Variants in DNAH2 observed in about 807,000 individuals in gnomAD.
DNAH2 encodes axonemal beta dynein heavy chain 2.
DNAH2 carries 323 observed loss-of-function variants against 523.5 expected under a neutral mutation model. The ratio of observed to expected loss-of-function variants is 0.62; its 90% CI spans 0.56 to 0.68. The LOEUF (loss-of-function observed/expected upper bound fraction) is 0.68, where lower values mean the gene tolerates loss of function less well. Ranked by LOEUF, DNAH2 falls within the 30% of genes least tolerant of loss-of-function variation. The probability of loss-of-function intolerance (pLI) is 0.00; values close to 1 mark genes in which losing one functional copy is unlikely to be tolerated. For missense variants in DNAH2, 4,907 were observed against 5,701.5 expected (o/e 0.86, Z 4.49); for synonymous variants, 2,093 against 2,177.4 (o/e 0.96, Z 1.08).
chr17:7,825,866 A>G (rs4791806), intron 77 of DNAH2, among the ~76,000 whole-genome samples: 119,386 of 152,170 alleles, frequency 0.78, 47,503 homozygotes, highest in Middle Eastern at 0.85. Flanking sequence ...AACCCCCAAG[A>G]CTCAGAATGT....
In DNAH2 at chr17:7,792,489, C is replaced by T. The variant is rs750613247; in HGVS notation, c.7145+146C>T. ...AGGGCTGCCTCTTGAGGACAGGAAG[C>T]GGGACCTAGAGGGCTTGGGACAGGG... On this transcript the variant is annotated intron_variant, in intron 46 of 85. Transcript: ENST00000572933. 20 of 1,027,508 alleles carry T rather than the reference C, an allele frequency of 1.9e-5. No individual in the cohort carries two copies. The East Asian group carries it at 2.8e-4, about 14-fold the overall frequency. The allele number at this position is 1,027,508 out of a possible 1,614,324, so 63.6% of individuals were successfully genotyped here.
chr17:7,771,620 C>T, intron 28 of DNAH2, 152 bp downstream of exon 28: 1 of 873,984 alleles, frequency 1.1e-6, no homozygotes, highest in Non-Finnish European at 1.7e-6. Flanking sequence ...GATCATAATT[C>T]TGTAAATTAA....
At chr17:7,753,766 G>A (rs1450499505) in intron 12 of DNAH2, among the ~76,000 whole-genome samples, 1 of 150,622 alleles carries the variant, frequency 6.6e-6, no homozygotes, top group Non-Finnish European at 1.5e-5. Flanking sequence ...TGGCCAACAT[G>A]ACGAAACCCT....
intron 7 of DNAH2, among the ~76,000 whole-genome samples, 155 bp downstream of exon 7, chr17:7,734,863 A>T (rs904813170): frequency 6.6e-6 from 1 of 151,750 alleles, no homozygotes; most frequent in Non-Finnish European, 1.5e-5. Flanking sequence ...GAGAGTATAA[A>T]ATAGTAGAAT....
chr17:7,797,121 A>C (rs935078360), intron 50 of DNAH2, 55 bp from the exon 51 acceptor site: 32 of 1,393,924 alleles, frequency 2.3e-5, no homozygotes, highest in Non-Finnish European at 3.0e-5. Context: ...AAAAAAAAAA[A>C]CTTCTGGAGG....
At position 7,754,212 on chromosome 17, in the gene DNAH2, G is replaced by GT. The variant is rs779889727; in HGVS notation, c.1905-2873dup. ...GAAGGACAGGAGTTGAAGGGGCGCT[G>GT]TTTTTTATCCTTTTAATATTGTAGA... On this transcript the variant is annotated intron_variant, in intron 12 of 85. Transcript: ENST00000572933. This position sits in a 1 kb window ranked among gnomAD's most constrained non-coding sequence, Gnocchi z 4.6. 5.3e-5 allele frequency: 10 copies of GT among 189,364 alleles called. No individual in the cohort carries two copies. The highest frequency in any genetic ancestry group is 1.1e-4 in the Non-Finnish European group (10 of 93,560). 11.7% of individuals were successfully genotyped at this position (189,364 alleles called of 1,614,324 possible). A position where few individuals can be genotyped will look rare whatever the true frequency, so the allele number is the denominator to read the frequency against.
chr17:7,830,860 C>T lies in DNAH2; in HGVS notation c.12230+18C>T, dbSNP rs1567771041. On this transcript the variant is annotated intron_variant, in intron 79 of 85. Coordinates refer to ENST00000572933, the MANE Select transcript of DNAH2 (RefSeq NM_020877.5). ...TTCCACCGGTGAGGGGGAGGTGGCC[C>T]TGGACAGGGAGCCAGAGGTCACAAG... The T allele has an allele frequency of 6.2e-7, 1 of 1,613,460 alleles. No homozygotes were observed. Among genetic ancestry groups the T allele is most frequent in the East Asian group, 2.2e-5 (1 of 44,882 alleles).
rs1230959575 is a variant in DNAH2 at position 7,740,915 on chromosome 17, GA to G, written c.1613del (p.Glu538GlyfsTer25). On this transcript the variant is annotated frameshift_variant, in exon 11 of 86. Transcript: ENST00000572933. LOFTEE classifies it high-confidence loss of function. ...ACGGAACAAGAAATGGCCAGACCTGGAGCCCTACGTGGCCCAGTATTCCGGA... is the reference window on the plus strand; with the variant it reads ...ACGGAACAAGAAATGGCCAGACCTGGGCCCTACGTGGCCCAGTATTCCGGA... The part of the protein sequence containing the change: ...RERNKKWPDL[E>X]PYVAQYSGKA... 1 of 1,613,906 alleles carries G rather than the reference GA, an allele frequency of 6.2e-7. No homozygotes were observed. The highest frequency in any genetic ancestry group is 1.7e-5 in the Admixed American group (1 of 60,024).
rs766059480 is a variant in DNAH2, at chr17:7,824,534, C to T, written c.11663-3C>T. 2 of 1,548,188 alleles carry T rather than the reference C, an allele frequency of 1.3e-6. No homozygotes were observed. The highest frequency in any genetic ancestry group is 1.8e-6 in the Non-Finnish European group (2 of 1,138,460). Reference sequence around the variant, plus strand: ...TCCCACTGACCCTGGCATCTCCTTGCAGGACACTGGGTGTTCCTGGCAAAC... The same window carrying T: ...TCCCACTGACCCTGGCATCTCCTTGTAGGACACTGGGTGTTCCTGGCAAAC... On this transcript the variant is annotated splice_region_variant and splice_polypyrimidine_tract_variant and intron_variant, in intron 76 of 85. Transcript: ENST00000572933.
At chr17:7,827,306 C>A (rs1241007514) in intron 77 of DNAH2, among the ~76,000 whole-genome samples, 1 of 120,098 alleles carries the variant, frequency 8.3e-6, no homozygotes, top group African/African-American at 3.5e-5. Context: ...TTCAAGAAAT[C>A]CTTGCTTAAA....
chr17:7,719,070 C>T (rs1463464944), intron 1 of DNAH2, among the ~76,000 whole-genome samples: 1 of 151,374 alleles, frequency 6.6e-6, no homozygotes, highest in South Asian at 2.1e-4. Flanking sequence ...CTTATGTTCT[C>T]ATACCCCGGG....
chr17:7,728,420 C>T (rs1464560174), intron 4 of DNAH2, among the ~76,000 whole-genome samples: 15 of 152,290 alleles, frequency 9.8e-5, no homozygotes, highest in African/African-American at 3.6e-4. Flanking sequence ...GAAACAATGA[C>T]GCAATTTGTG....
At chr17:7,781,821 C>G (rs1461258878) in intron 39 of DNAH2, among the ~76,000 whole-genome samples, 1 of 152,148 alleles carries the variant, frequency 6.6e-6, no homozygotes, top group African/African-American at 2.4e-5. Context: ...CTCACCTCAT[C>G]AGGGAGTTTT....
At chr17:7,805,516 AG>A in intron 61 of DNAH2, 123 bp downstream of exon 61, 1 of 1,386,122 alleles carries the variant, frequency 7.2e-7, no homozygotes, top group Non-Finnish European at 9.8e-7. Context: ...TCAAGAGCAC[AG>A]GGCCTAGTAG....
chr17:7,800,006 C>G (rs1162480532), intron 56 of DNAH2, among the ~76,000 whole-genome samples: 1 of 152,238 alleles, frequency 6.6e-6, no homozygotes, highest in Admixed American at 6.5e-5. Flanking sequence ...TCTCTTGAGT[C>G]TGACATCAGA....
At position 7,737,194 on chromosome 17, in the gene DNAH2, G is replaced by A. The variant is rs994076850; in HGVS notation, c.1106G>A (p.Arg369His). The A allele has an allele frequency of 7.4e-6, 12 of 1,613,900 alleles. No individual in the cohort carries two copies. Among genetic ancestry groups the A allele is most frequent in the South Asian group, 1.1e-5 (1 of 91,082 alleles). ...SKLPKLISLI[R>H]IIWVNSPHYN... is the part of the protein sequence containing the mutation. ...CTCCCTAAGCTGATCAGTCTCATCC[G>A]CATCATCTGGGTCAACTCTCCCCAC... is the stretch of plus-strand genomic sequence containing the variant. The change falls in exon 8 of 86, where the codon CGC (arginine) becomes CAC (histidine). Residue 369 changes from arginine to histidine, a missense_variant. By Grantham distance (29) the Arg-to-His change is conservative (BLOSUM62 0). This residue lies in a region of DNAH2 where 2,806 missense variants were observed against 3,190.8 expected (regional missense o/e 0.88). Coordinates refer to ENST00000572933, the MANE Select transcript of DNAH2 (RefSeq NM_020877.5).
rs533564774 is a variant in DNAH2, at chr17:7,765,416, A to G, written c.3362A>G (p.Asn1121Ser). The change falls in exon 21 of 86, where the codon AAC becomes AGC. Residue 1121 changes from asparagine (N) to serine (S), a missense_variant. Asn to Ser is a conservative substitution (Grantham distance 46). Coordinates refer to ENST00000572933, the MANE Select transcript of DNAH2 (RefSeq NM_020877.5). Reference protein sequence around the residue: ...DSVLEMLDSLNGEWVVFQQTL... With the variant: ...DSVLEMLDSLSGEWVVFQQTL... ...GTCCTGGAGATGCTGGACAGTCTCA[A>G]CGGGGAGTGGGTTGTCTTCCAACAA... 5 of 1,614,000 alleles carry G rather than the reference A, an allele frequency of 3.1e-6. No homozygotes were observed. The East Asian group carries it at 1.1e-4, about 36-fold the overall frequency.
chr17:7,729,482 G>A (rs2074924217), intron 4 of DNAH2, among the ~76,000 whole-genome samples: 1 of 152,146 alleles, frequency 6.6e-6, no homozygotes. Context: ...CCAGCCTGGA[G>A]TGCAATGGCG....
chr17:7,794,300 C>G lies in DNAH2; in HGVS notation c.7616C>G (p.Thr2539Ser). ...ATGGGCCCCCCTGGGGGTGGACGGA[C>G]TGTCATCTCCCCAAGGCTACGGAGT... ...AAMGPPGGGR[T>S]VISPRLRSRF... The change falls in exon 49 of 86, where the codon ACT (threonine) becomes AGT (serine). Residue 2539 changes from threonine (T) to serine (S), a missense_variant. Physicochemically the swap from Thr to Ser is moderately conservative, Grantham distance 58 (BLOSUM62 1). Transcript: ENST00000572933. The G allele has an allele frequency of 6.2e-7, 1 of 1,610,320 alleles. No homozygotes were observed. The highest frequency in any genetic ancestry group is 1.3e-5 in the African/African-American group (1 of 74,840).
Sources: gnomAD v4.1 joint callset for allele counts (sites outside exome capture counted in the v4.1 genomes callset) on GRCh38, gnomAD v4.1.1 for gene constraint, gnomAD v4.1.1 regional missense constraint, Gnocchi (gnomAD v3.1) non-coding constraint, MANE v1.5 for transcripts, NCBI Gene and HGNC (gene_info 2026-07-23, HGNC 2026-07-21) for gene names.